The following NEB variants were observed in gnomAD, a reference collection of about 807,000 sequenced individuals.
NEB encodes nebulin, also known as nemaline myopathy type 2.
In NEB, 512 loss-of-function variants were observed where a neutral mutation model predicts 952.2. The ratio of observed to expected loss-of-function variants is 0.54; its 90% CI spans 0.50 to 0.58. The LOEUF (loss-of-function observed/expected upper bound fraction) is 0.58, where lower values mean the gene tolerates loss of function less well. Among genes scored for constraint, NEB ranks in the 20% least tolerant of loss-of-function variants. NEB has a pLI of 0.00. For synonymous variants in NEB, 2,900 were observed against 3,149.8 expected, an observed-to-expected ratio of 0.92 and a Z score of 2.66; for missense variants, 8,428 against 9,231.1, an observed-to-expected ratio of 0.91 and a Z score of 3.56.
chr2:151,709,833 A>C, intron 11 of NEB, 70 bp from the exon 12 acceptor site: 1 of 1,244,842 alleles, frequency 8.0e-7, no homozygotes, highest in Non-Finnish European at 1.1e-6. Context: ...ATGAGAAGAC[A>C]CAGGGATTTG....
At chr2:151,622,060 A>G (rs1177713461) in intron 71 of NEB, among the ~76,000 whole-genome samples, 1 of 152,134 alleles carries the variant, frequency 6.6e-6, no homozygotes, top group Non-Finnish European at 1.5e-5. Context: ...CCCAGGCTGG[A>G]GTGCAGTGGC....
chr2:151,686,681 T>C (rs1017169092), intron 27 of NEB, among the ~76,000 whole-genome samples: 2 of 152,166 alleles, frequency 1.3e-5, no homozygotes, highest in Non-Finnish European at 2.9e-5. Context: ...CCCTTCTCTT[T>C]CATCATTAAA....
At chr2:151,653,593 G>A (rs1213640331) in intron 52 of NEB, among the ~76,000 whole-genome samples, 1 of 152,162 alleles carries the variant, frequency 6.6e-6, no homozygotes, top group Admixed American at 6.6e-5. Context: ...TTTAAAATAT[G>A]TGCATATAAA....
At position 151,618,313 on chromosome 2, in the gene NEB, G is replaced by C; in HGVS notation, c.11038C>G (p.Gln3680Glu). Residue 3680 changes from glutamine (Q) to glutamate (E), a missense_variant, in exon 74 of 182, where the codon CAG becomes GAG. By Grantham distance (29) the Gln-to-Glu change is conservative. Coordinates refer to ENST00000397345, the MANE Select transcript of NEB (RefSeq NM_001164508.2). The stretch of plus-strand genomic sequence containing the variant: ...AAAGCATTGTTTTTTGCCAGCACCT[G>C]CTCCGGAGTGTCCGTTATACTGGTA... ...KFTSITDTPEQVLAKNNALNM... is the reference protein window; with the variant it reads ...KFTSITDTPEEVLAKNNALNM... 1 of 1,613,918 alleles carries C rather than the reference G, an allele frequency of 6.2e-7. No homozygotes were observed. The highest frequency in any genetic ancestry group is 8.5e-7 in the Non-Finnish European group (1 of 1,179,840).
chr2:151,648,079 G>A (rs1020721761), intron 54 of NEB, among the ~76,000 whole-genome samples: 5 of 152,136 alleles, frequency 3.3e-5, no homozygotes, highest in Non-Finnish European at 7.4e-5. Flanking sequence ...AAAAGAGAAA[G>A]CAAATGTGGT....
chr2:151,697,516 CAGAA>C, intron 14 of NEB, 24 bp downstream of exon 14: 1 of 1,607,080 alleles, frequency 6.2e-7, no homozygotes. Flanking sequence ...CTTTTTTTAA[CAGAA>C]AGAGTGACAG....
Position 151,656,291 on chromosome 2 carries a change from C to A in NEB, c.6357G>T (p.Met2119Ile), listed in dbSNP as rs776144990. 1 of 1,613,638 alleles carries A rather than the reference C, an allele frequency of 6.2e-7. No individual in the cohort carries two copies. Among genetic ancestry groups the A allele is most frequent in the South Asian group, 1.1e-5 (1 of 91,060 alleles). Residue 2119 changes from methionine to isoleucine, a missense_variant, in exon 49 of 182, where the codon ATG becomes ATT. Physicochemically the swap from Met to Ile is conservative, Grantham distance 10. Coordinates refer to ENST00000397345, the MANE Select transcript of NEB (RefSeq NM_001164508.2). ...CATCCTTTGCAGCCGTGACACTGAG[C>A]ATGTCGGCAGGGGTGTGGTAGCTGG... ...TKTSYHTPADMLSVTAAKDAQ... is the reference protein window; with the variant it reads ...TKTSYHTPADILSVTAAKDAQ...
intron 28 of NEB, 106 bp downstream of exon 28, chr2:151,684,672 G>C (rs1227794542): frequency 4.6e-6 from 5 of 1,097,134 alleles, no homozygotes; most frequent in Non-Finnish European, 6.4e-6. Flanking sequence ...ACATACATAG[G>C]ACAATGCAGA....
intron 52 of NEB, among the ~76,000 whole-genome samples, chr2:151,653,434 A>C (rs1165590246): frequency 6.6e-6 from 1 of 152,200 alleles, no homozygotes; most frequent in African/African-American, 2.4e-5. Flanking sequence ...TATGAACTTT[A>C]GATTGGATTT....
chr2:151,732,419 T>C (rs59681554), intron 3 of NEB, among the ~76,000 whole-genome samples: 4 of 152,180 alleles, frequency 2.6e-5, no homozygotes, highest in African/African-American at 7.2e-5. Flanking sequence ...AGATGTCCAC[T>C]AATAATTGGA....
chr2:151,615,084 C>T (rs2098146426), intron 76 of NEB, among the ~76,000 whole-genome samples: 2 of 152,160 alleles, frequency 1.3e-5, no homozygotes, highest in Admixed American at 6.5e-5. Flanking sequence ...TCTTATCAGC[C>T]TGTCAACATC....
At chr2:151,534,134 C>T in intron 142 of NEB, 2 of 1,023,058 alleles carry the variant, frequency 2.0e-6, no homozygotes, top group South Asian at 1.4e-5. Context: ...CTATGACATC[C>T]TTGCAGCAGA....
rs767137342 is a variant in NEB, at chr2:151,644,010, C to G, written c.7764G>C (p.Glu2588Asp). The change falls in exon 57 of 182, where the codon GAG (glutamate) becomes GAC (aspartate). Residue 2588 changes from glutamate to aspartate, a missense_variant. This residue lies in a region of NEB where 1,772 missense variants were observed against 1,960.3 expected (regional missense o/e 0.90). Coordinates refer to ENST00000397345, the MANE Select transcript of NEB (RefSeq NM_001164508.2). Reference protein sequence around the residue: ...MHVAKIQSDREYKKDFEKWKT... With the variant: ...MHVAKIQSDRDYKKDFEKWKT... Reference sequence around the variant, plus strand: ...TCCACTTCTCAAAGTCCTTCTTGTACTCCCTGTCACTCTGGATCTTGGCCA... The same window carrying G: ...TCCACTTCTCAAAGTCCTTCTTGTAGTCCCTGTCACTCTGGATCTTGGCCA... 4.3e-6 allele frequency: 7 copies of G among 1,613,902 alleles called. No homozygotes were observed. The highest frequency in any genetic ancestry group is 5.9e-6 in the Non-Finnish European group (7 of 1,179,900).
intron 159 of NEB, among the ~76,000 whole-genome samples, chr2:151,513,905 G>A (rs2076163876): frequency 6.6e-6 from 1 of 152,094 alleles, no homozygotes; most frequent in African/African-American, 2.4e-5. Context: ...AGTCAGTATG[G>A]GTCAACAGAG....
chr2:151,646,979 G>A (rs1350755250), intron 54 of NEB, among the ~76,000 whole-genome samples: 1 of 151,890 alleles, frequency 6.6e-6, no homozygotes, highest in African/African-American at 2.4e-5. Context: ...CATTGTGAAG[G>A]ATTAGGATTC....
In NEB at chr2:151,663,699, G is replaced by T. The variant is rs753865894; in HGVS notation, c.5612C>A (p.Thr1871Asn). The change falls in exon 45 of 182, where the codon ACC becomes AAC. Residue 1871 changes from threonine to asparagine, a missense_variant. By Grantham distance (65) the Thr-to-Asn change is moderately conservative (BLOSUM62 0). Coordinates refer to ENST00000397345, the MANE Select transcript of NEB (RefSeq NM_001164508.2). ...CACCACACTGAGCATGTCCACCGGG[G>T]TGTGGAAGGAGGTCTTGGATTTCTC... Reference protein sequence around the residue: ...GYEKSKTSFHTPVDMLSVVAA... With the variant: ...GYEKSKTSFHNPVDMLSVVAA... 1.2e-6 allele frequency: 2 copies of T among 1,613,792 alleles called. No individual in the cohort carries two copies. The highest frequency in any genetic ancestry group is 1.7e-6 in the Non-Finnish European group (2 of 1,179,798).
intron 119 of NEB, among the ~76,000 whole-genome samples, chr2:151,563,235 G>A (rs781753281): frequency 2.6e-5 from 4 of 152,082 alleles, no homozygotes; most frequent in South Asian, 4.1e-4. Context: ...GGCCAGTCTC[G>A]AACTCCTGAC....
Position 151,581,469 on chromosome 2 carries a change from G to A in NEB, c.16284+14C>T, listed in dbSNP as rs1357856114. 2.8e-6 allele frequency: 2 copies of A among 708,476 alleles called. No homozygotes were observed. Among genetic ancestry groups the A allele is most frequent in the Admixed American group, 2.9e-5 (1 of 34,480 alleles). The allele number at this position is 708,476 out of a possible 1,614,324, so 43.9% of individuals were successfully genotyped here. A position where few individuals can be genotyped will look rare whatever the true frequency, so the allele number is the denominator to read the frequency against. On this transcript the variant is annotated intron_variant, in intron 103 of 181. Coordinates refer to ENST00000397345, the MANE Select transcript of NEB (RefSeq NM_001164508.2). ...GAGAGCACTGTGAAAAGCAAATGAT[G>A]TGTGCTGTCTTACATTGCTGATCTG...
chr2:151,496,519 T>C (rs950622747), intron 172 of NEB, among the ~76,000 whole-genome samples, 151 bp from the exon 173 acceptor site: 11 of 152,200 alleles, frequency 7.2e-5, no homozygotes, highest in Admixed American at 6.5e-4. Flanking sequence ...CCAGCTACTT[T>C]AGTGGAAGCT....
Sources: gnomAD v4.1 joint callset for allele counts (sites outside exome capture counted in the v4.1 genomes callset) on GRCh38, gnomAD v4.1.1 for gene constraint, gnomAD v4.1.1 regional missense constraint, MANE v1.5 for transcripts, NCBI Gene and HGNC (gene_info 2026-07-23, HGNC 2026-07-21) for gene names.